The following KIF13A variants were observed in gnomAD, a reference collection of about 807,000 sequenced individuals.
The protein encoded by KIF13A is kinesin family member 13A.
In KIF13A, 79 loss-of-function variants were observed where a neutral mutation model predicts 212.2. The ratio of observed to expected loss-of-function variants is 0.37; its 90% CI spans 0.31 to 0.45. KIF13A has a LOEUF of 0.45. KIF13A is among the 20% of genes least tolerant of loss of function. KIF13A has a pLI of 1.00. For missense variants in KIF13A, 1,901 were observed against 2,209.0 expected (o/e 0.86, Z 2.79); for synonymous variants, 789 against 808.6 (o/e 0.98, Z 0.41).
intron 4 of KIF13A, among the ~76,000 whole-genome samples, chr6:17,865,266 C>G (rs779322313): frequency 7.2e-5 from 11 of 152,104 alleles, no homozygotes; most frequent in Non-Finnish European, 1.3e-4. Flanking sequence ...TTAAACTGAG[C>G]CCCCAGTTTT....
At chr6:17,983,379 C>T (rs1781260722) in intron 2 of KIF13A, among the ~76,000 whole-genome samples, 1 of 152,014 alleles carries the variant, frequency 6.6e-6, no homozygotes, top group Non-Finnish European at 1.5e-5. Context: ...AGACATTTCA[C>T]TGTGTATGTC....
downstream of KIF13A, among the ~76,000 whole-genome samples, chr6:17,762,844 T>C (rs949592648): frequency 3.3e-5 from 5 of 152,234 alleles, no homozygotes; most frequent in African/African-American, 9.6e-5. Context: ...GTAATGAGTA[T>C]GCTGTATAAA....
intron 6 of KIF13A, among the ~76,000 whole-genome samples, chr6:17,852,512 C>T (rs529765256): frequency 2.1e-4 from 32 of 152,274 alleles, no homozygotes; most frequent in African/African-American, 7.0e-4. Context: ...CTCAACCTCC[C>T]GCCCAGGTGA....
rs1781350494 is a variant in KIF13A, at chr6:17,984,207, T to G, written c.146+2847A>C. Among the ~76,000 whole-genome samples the G allele has an allele frequency of 6.6e-6, 1 of 152,220 alleles. No homozygotes were observed. Among genetic ancestry groups the G allele is most frequent in the Non-Finnish European group, 1.5e-5 (1 of 68,020 alleles). On this transcript the variant is annotated intron_variant, in intron 2 of 38. Transcript: ENST00000259711. The surrounding 1 kb of genome is among the most constrained non-coding windows in gnomAD (Gnocchi z 5.0). ...TATACACCAGCGTAATTTACCACGT[T>G]GTATTTTAACTACTTTTTCCTCTCT...
At chr6:17,780,233 T>C (rs1760438788) in intron 31 of KIF13A, among the ~76,000 whole-genome samples, 1 of 152,222 alleles carries the variant, frequency 6.6e-6, no homozygotes, top group African/African-American at 2.4e-5. Flanking sequence ...ATTTCTGTGG[T>C]TGCTTCTCTC....
In KIF13A at chr6:17,896,417, A is replaced by G. The variant is rs146257016; in HGVS notation, c.159+1751T>C. Among the ~76,000 whole-genome samples, 4 of 152,306 alleles carry G rather than the reference A, an allele frequency of 2.6e-5. No individual in the cohort carries two copies. The East Asian group carries it at 7.7e-4, about 29-fold the overall frequency. On this transcript the variant is annotated intron_variant, in intron 3 of 38. Coordinates refer to ENST00000259711, the MANE Select transcript of KIF13A (RefSeq NM_022113.6). ...ATTTTATTCTTACATAATCATCATT[A>G]AAAGCACCTTTCCCTTTTCCACTTT...
chr6:17,853,733 G>T (rs1767882828), intron 6 of KIF13A, among the ~76,000 whole-genome samples: 1 of 152,056 alleles, frequency 6.6e-6, no homozygotes, highest in Admixed American at 6.6e-5. Flanking sequence ...CATATATTAT[G>T]ATGTCATACA....
chr6:17,887,417 A>T (rs2150462772), intron 3 of KIF13A, among the ~76,000 whole-genome samples: 1 of 152,290 alleles, frequency 6.6e-6, no homozygotes, highest in South Asian at 2.1e-4. Context: ...CTAGATTATT[A>T]TCCACCCTAC....
Position 17,951,758 on chromosome 6 carries a change from T to A in KIF13A, c.146+35296A>T, listed in dbSNP as rs563928434. The stretch of plus-strand genomic sequence containing the variant: ...TGCTTATTTCACTTAATGTTATGTT[T>A]ACAAAAAGTTCATCAATGTTATATA... On this transcript the variant is annotated intron_variant, in intron 2 of 38. Coordinates refer to ENST00000259711, the MANE Select transcript of KIF13A (RefSeq NM_022113.6). This position sits in a 1 kb window ranked among gnomAD's most constrained non-coding sequence, Gnocchi z 4.9. Among the ~76,000 whole-genome samples the A allele has an allele frequency of 6.6e-6, 1 of 152,342 alleles. No homozygotes were observed. Among genetic ancestry groups the A allele is most frequent in the East Asian group, 1.9e-4 (1 of 5,192 alleles).
chr6:17,938,597 TATAAAGA>T (rs1186867050), intron 2 of KIF13A, among the ~76,000 whole-genome samples: 4 of 152,132 alleles, frequency 2.6e-5, no homozygotes, highest in Admixed American at 2.6e-4. Context: ...ACAAACTTCT[TATAAAGA>T]ATAAAGAAGC....
At chr6:17,833,013 G>GAAAAAAAAAAAAAAAAAAA (rs1765586164) in intron 12 of KIF13A, among the ~76,000 whole-genome samples, 1 of 45,084 alleles carries the variant, frequency 2.2e-5, no homozygotes, top group African/African-American at 1.7e-4. Context: ...GACTCTGTCT[G>GAAAAAAAAAAAAAAAAAAA]CAAAAAAAAA....
Position 17,837,629 on chromosome 6 carries a change from G to A in KIF13A, c.831-46C>T, listed in dbSNP as rs2150380783. On this transcript the variant is annotated intron_variant, in intron 9 of 38. Transcript: ENST00000259711. This position sits in a 1 kb window ranked among gnomAD's most constrained non-coding sequence, Gnocchi z 5.4. The stretch of plus-strand genomic sequence containing the variant: ...ATTAGTTTTATGGAATGTTTATTTG[G>A]TTTAAGTATAAAATATGCAGAACAA... 7.8e-7 allele frequency: 1 copy of A among 1,274,494 alleles called. No homozygotes were observed. Among genetic ancestry groups the A allele is most frequent in the Non-Finnish European group, 1.1e-6 (1 of 894,662 alleles). 78.9% of individuals were successfully genotyped at this position (1,274,494 alleles called of 1,614,324 possible). A position where few individuals can be genotyped will look rare whatever the true frequency, so the allele number is the denominator to read the frequency against.
At chr6:17,907,303 G>C (rs1317784177) in intron 2 of KIF13A, among the ~76,000 whole-genome samples, 3 of 152,170 alleles carry the variant, frequency 2.0e-5, no homozygotes, top group South Asian at 2.1e-4. Flanking sequence ...TCTCTGGCTG[G>C]AGCACACTGT....
intron 2 of KIF13A, among the ~76,000 whole-genome samples, chr6:17,970,701 T>C (rs1189849446): frequency 1.3e-5 from 2 of 152,210 alleles, no homozygotes; most frequent in African/African-American, 4.8e-5. Flanking sequence ...TCCTTTTCCC[T>C]AATCCTCTTA....
intron 20 of KIF13A, 107 bp downstream of exon 20, chr6:17,804,254 G>T: frequency 9.8e-7 from 1 of 1,021,702 alleles, no homozygotes; most frequent in Non-Finnish European, 1.3e-6. Flanking sequence ...ATTTGCCTTA[G>T]TTTCTTGATC....
chr6:17,833,218 G>A (rs1486936427), intron 12 of KIF13A, among the ~76,000 whole-genome samples: 1 of 152,024 alleles, frequency 6.6e-6, no homozygotes, highest in Non-Finnish European at 1.5e-5. Context: ...TGCTGGGCGA[G>A]GCACAGTGGC....
intron 18 of KIF13A, among the ~76,000 whole-genome samples, chr6:17,808,469 A>C (rs1049489316): frequency 1.3e-5 from 2 of 152,212 alleles, no homozygotes; most frequent in African/African-American, 4.8e-5. Flanking sequence ...GGGCATTTAC[A>C]TGCAAAAAAA....
At chr6:17,775,772 A>C (rs1759909861) in intron 34 of KIF13A, among the ~76,000 whole-genome samples, 1 of 152,090 alleles carries the variant, frequency 6.6e-6, no homozygotes, top group African/African-American at 2.4e-5. Context: ...GGCTGGTCTC[A>C]AATTCCTGGC....
At chr6:17,832,433 T>C (rs1434805798) in intron 12 of KIF13A, among the ~76,000 whole-genome samples, 2 of 151,978 alleles carry the variant, frequency 1.3e-5, no homozygotes, top group African/African-American at 4.8e-5. Context: ...GGTCAGGAGT[T>C]TGAGACCAGC....
Sources: allele counts gnomAD v4.1 joint callset (sites outside exome capture counted in the v4.1 genomes callset), GRCh38; gene constraint gnomAD v4.1.1; non-coding constraint Gnocchi (gnomAD v3.1); transcripts MANE v1.5; gene names NCBI Gene and HGNC (gene_info 2026-07-23, HGNC 2026-07-21).